Variants in ROBO2 observed in about 807,000 individuals in gnomAD.
ROBO2 encodes the protein roundabout homolog 2.
ROBO2 carries 53 observed loss-of-function variants against 160.8 expected under a neutral mutation model. The observed-to-expected ratio is 0.33, with a 90% confidence interval of 0.26 to 0.41. The LOEUF is 0.41. ROBO2 is among the 10% of genes least tolerant of loss of function. The pLI, the probability that ROBO2 is intolerant of heterozygous loss-of-function variation, is 1.00. For missense variants in ROBO2, 1,577 were observed against 1,722.4 expected (o/e 0.92, Z 1.49); for synonymous variants, 664 against 611.7 (o/e 1.09, Z -1.26).
In ROBO2 at chr3:76,576,699, T is replaced by G. The variant is rs573014816; in HGVS notation, c.110-521315T>G. Among the ~76,000 whole-genome samples, 78 of 131,368 alleles carry G rather than the reference T, an allele frequency of 5.9e-4. 4 individuals are homozygous for G. The South Asian group carries it at 0.02, about 34-fold the overall frequency. The allele number at this position is 131,368 out of a possible 152,430, so 86.2% of individuals were successfully genotyped here. A position where few individuals can be genotyped will look rare whatever the true frequency, so the allele number is the denominator to read the frequency against. On this transcript the variant is annotated intron_variant, in intron 2 of 26. Transcript: ENST00000487694. ...ATTTTTACAGTTTAAATCATTTTCT[T>G]TCTTTTTTTTTTTTTTTTTTTTTGA...
intron 2 of ROBO2, among the ~76,000 whole-genome samples, chr3:77,196,502 C>CT (rs3071072): frequency 1.7e-4 from 26 of 148,728 alleles, no homozygotes; most frequent in East Asian, 3.9e-4. Flanking sequence ...AGGAGGGCAT[C>CT]TTTTTTTTTT....
At chr3:76,157,282 G>A (rs956912660) in intron 2 of ROBO2, among the ~76,000 whole-genome samples, 1 of 152,010 alleles carries the variant, frequency 6.6e-6, no homozygotes, top group Admixed American at 6.6e-5. Context: ...AGGCCATACT[G>A]TATTTTTGTC....
chr3:77,563,361 T>A (rs760960232), intron 11 of ROBO2, 32 bp downstream of exon 12: 1 of 1,608,712 alleles, frequency 6.2e-7, no homozygotes, highest in Non-Finnish European at 8.5e-7. Context: ...CTCCACTGGG[T>A]TTTGTCTTAG....
At chr3:77,124,035 C>A (rs954241495) in intron 2 of ROBO2, among the ~76,000 whole-genome samples, 1 of 142,196 alleles carries the variant, frequency 7.0e-6, no homozygotes, top group African/African-American at 2.5e-5. Flanking sequence ...GTAAAACATA[C>A]GTGTGTAAAA....
chr3:76,734,859 T>C lies in ROBO2; in HGVS notation c.110-363155T>C, dbSNP rs546370457. Among the ~76,000 whole-genome samples the C allele has an allele frequency of 8.2e-4, 125 of 152,346 alleles. 1 individual carries two copies. The South Asian group carries it at 0.019, about 23-fold the overall frequency. The stretch of plus-strand genomic sequence containing the variant: ...CACAAGGTTTAAAATAAACTCTTGA[T>C]TGAATTCATCTACTCCATTTTCTCT... On this transcript the variant is annotated intron_variant, in intron 2 of 26. Transcript: ENST00000487694.
chr3:76,013,760 C>CCT (rs1162320525), intron 2 of ROBO2, among the ~76,000 whole-genome samples: 3 of 149,994 alleles, frequency 2.0e-5, no homozygotes, highest in African/African-American at 7.4e-5. Context: ...CAACTGGGCA[C>CCT]GGTGGTCTAT....
At chr3:76,029,942 C>T (rs780495094) in intron 2 of ROBO2, among the ~76,000 whole-genome samples, 12 of 152,168 alleles carry the variant, frequency 7.9e-5, no homozygotes, top group Non-Finnish European at 1.5e-4. Flanking sequence ...AATCACCACA[C>T]TGTCTTCCAC....
intron 2 of ROBO2, among the ~76,000 whole-genome samples, chr3:76,767,404 A>G (rs1367122057): frequency 6.6e-6 from 1 of 151,664 alleles, no homozygotes; most frequent in African/African-American, 2.4e-5. Context: ...GTCTACTTAT[A>G]TCTCTTCTTG....
At chr3:75,982,161 T>A (rs1439579122) in intron 2 of ROBO2, among the ~76,000 whole-genome samples, 1 of 151,644 alleles carries the variant, frequency 6.6e-6, no homozygotes, top group African/African-American at 2.4e-5. Context: ...ATTTTCTTTA[T>A]CCGTTCTTCT....
At chr3:76,456,072 T>G (rs981739891) in intron 2 of ROBO2, among the ~76,000 whole-genome samples, 4 of 152,200 alleles carry the variant, frequency 2.6e-5, no homozygotes, top group African/African-American at 9.6e-5. Context: ...TAAGTATTTG[T>G]AGCATATTGA....
chr3:77,180,418 A>C (rs78371155), intron 2 of ROBO2, among the ~76,000 whole-genome samples: 25,396 of 73,522 alleles, frequency 0.35, 3,458 homozygotes, highest in Non-Finnish European at 0.46. Context: ...CTCTCTCTCT[A>C]TATATATATA....
Position 76,664,114 on chromosome 3 carries a change from G to A in ROBO2, c.110-433900G>A, listed in dbSNP as rs142087645. Among the ~76,000 whole-genome samples, 1,058 of 152,214 alleles carry A rather than the reference G, an allele frequency of 7.0e-3. 7 individuals are homozygous for A. The highest frequency in any genetic ancestry group is 0.012 in the Non-Finnish European group (804 of 68,018). The stretch of plus-strand genomic sequence containing the variant: ...CTATGGGGAAGTCTGTCAACACTGA[G>A]GACACAGCTAGAATTAGGCTTTGTG... On this transcript the variant is annotated intron_variant, in intron 2 of 26. Transcript: ENST00000487694.
chr3:76,180,072 C>T (rs1044593582), intron 2 of ROBO2, among the ~76,000 whole-genome samples: 1 of 152,092 alleles, frequency 6.6e-6, no homozygotes, highest in African/African-American at 2.4e-5. Context: ...TCCCCACCTG[C>T]CCCAAAATAA....
At chr3:76,493,337 T>TTTTATATATATA (rs1460408407) in intron 2 of ROBO2, among the ~76,000 whole-genome samples, 2 of 104,830 alleles carry the variant, frequency 1.9e-5, no homozygotes, top group African/African-American at 3.5e-5. Flanking sequence ...AGACAAAAAA[T>TTTTATATATATA]TATATATATA....
chr3:76,466,903 T>G (rs536036805), intron 2 of ROBO2, among the ~76,000 whole-genome samples: 3 of 152,162 alleles, frequency 2.0e-5, no homozygotes, highest in African/African-American at 4.8e-5. Flanking sequence ...AAGCTTTATG[T>G]ATGTACAGAT....
chr3:76,897,696 G>A (rs1488480084), intron 2 of ROBO2, among the ~76,000 whole-genome samples: 2 of 148,688 alleles, frequency 1.3e-5, no homozygotes, highest in African/African-American at 5.0e-5. Context: ...ATTTATCCAG[G>A]ATAGAGTGGC....
intron 2 of ROBO2, among the ~76,000 whole-genome samples, chr3:75,992,113 T>A (rs1051846887): frequency 6.6e-6 from 1 of 152,130 alleles, no homozygotes; most frequent in Non-Finnish European, 1.5e-5. Context: ...GAAAATCCCA[T>A]TTTCTGAGGA....
At chr3:76,229,955 C>T (rs1273147890) in intron 2 of ROBO2, among the ~76,000 whole-genome samples, 1 of 152,138 alleles carries the variant, frequency 6.6e-6, no homozygotes, top group Non-Finnish European at 1.5e-5. Flanking sequence ...TCTGTGCTGG[C>T]ATCTCAGGGG....
intron 2 of ROBO2, among the ~76,000 whole-genome samples, chr3:76,935,184 C>T (rs2077618222): frequency 6.6e-6 from 1 of 152,078 alleles, no homozygotes; most frequent in Non-Finnish European, 1.5e-5. Flanking sequence ...AACTCCTGGA[C>T]ACAAACTATC....
Sources: gnomAD v4.1 joint callset for allele counts (sites outside exome capture counted in the v4.1 genomes callset) on GRCh38, gnomAD v4.1.1 for gene constraint, MANE v1.5 for transcripts, NCBI Gene and HGNC (gene_info 2026-07-23, HGNC 2026-07-21) for gene names.